The following MAPT variants were observed in gnomAD, a reference collection of about 807,000 sequenced individuals.
The protein encoded by MAPT is microtubule associated protein tau, also known as microtubule-associated protein tau.
Under a neutral mutation model 67.9 loss-of-function variants are expected in MAPT, and 34 were observed. That is an observed-to-expected ratio of 0.50 (90% confidence interval 0.38 to 0.67). MAPT has a LOEUF of 0.67. Ranked by LOEUF, MAPT falls within the 30% of genes least tolerant of loss-of-function variation. The probability of loss-of-function intolerance (pLI) is 0.00; values close to 1 mark genes in which losing one functional copy is unlikely to be tolerated. For synonymous variants in MAPT, 456 were observed against 464.5 expected (o/e 0.98, Z 0.23); for missense variants, 881 against 1,115.2 (o/e 0.79, Z 2.99).
chr17:45,993,784 C>T (rs2074256870), intron 8 of MAPT: 2 of 753,696 alleles, frequency 2.7e-6, no homozygotes, highest in Admixed American at 2.3e-5. Context: ...GTGGAGAGAC[C>T]CTCCCCCTTG....
intron 1 of MAPT, among the ~76,000 whole-genome samples, chr17:45,961,072 T>C (rs1467064280): frequency 6.6e-6 from 1 of 152,000 alleles, no homozygotes; most frequent in Non-Finnish European, 1.5e-5. Context: ...AGCTGCAGGT[T>C]GAATGGGGCA....
Position 45,894,657 on chromosome 17 carries a change from T to C in MAPT, c.-47T>C. ...GCCACCTTCTCCTCCTCCGCTGTCC[T>C]CTCCCGTCCTCGCCTCTGTCGACTA... is the stretch of plus-strand genomic sequence containing the variant. On this transcript the variant is annotated 5_prime_UTR_variant, in exon 1 of 13. Transcript: ENST00000262410. The C allele has an allele frequency of 6.7e-6, 1 of 148,750 alleles. No individual in the cohort carries two copies. Among genetic ancestry groups the C allele is most frequent in the Non-Finnish European group, 1.5e-5 (1 of 65,580 alleles). 9.2% of individuals were successfully genotyped at this position (148,750 alleles called of 1,614,324 possible). A position where few individuals can be genotyped will look rare whatever the true frequency, so the allele number is the denominator to read the frequency against.
intron 1 of MAPT, among the ~76,000 whole-genome samples, chr17:45,901,312 G>C (rs574680367): frequency 6.6e-6 from 1 of 152,204 alleles, no homozygotes; most frequent in African/African-American, 2.4e-5. Flanking sequence ...TTAGTACATC[G>C]GGTTCAGAGA....
Position 45,983,156 on chromosome 17 carries a change from A to G in MAPT, c.577A>G (p.Thr193Ala), listed in dbSNP as rs2145641943. 2 of 1,602,686 alleles carry G rather than the reference A, an allele frequency of 1.2e-6. No individual in the cohort carries two copies. Among genetic ancestry groups the G allele is most frequent in the African/African-American group, 1.3e-5 (1 of 74,874 alleles). ...EKGPAFPKPA[T>A]TAYLHTEPES... ...GGGTCCGGCCTTTCCGAAGCCCGCC[A>G]CCACTGCGTATCTCCACACAGAGCC... The change falls in exon 5 of 13, where the codon ACC (threonine) becomes GCC (alanine). Residue 193 changes from threonine (T) to alanine (A), a missense_variant. Physicochemically the swap from Thr to Ala is moderately conservative, Grantham distance 58. Around this residue, in one of 6 missense-constraint regions of MAPT, gnomAD observed 687 missense variants for 766.1 expected, o/e 0.90. Transcript: ENST00000262410.
intron 9 of MAPT, among the ~76,000 whole-genome samples, chr17:46,008,646 T>C (rs2075613895): frequency 6.6e-6 from 1 of 152,176 alleles, no homozygotes; most frequent in Non-Finnish European, 1.5e-5. Context: ...GAGTTAGATA[T>C]TGATTCCTAT....
At chr17:45,958,580 G>A (rs2070002750) in intron 1 of MAPT, among the ~76,000 whole-genome samples, 1 of 152,162 alleles carries the variant, frequency 6.6e-6, no homozygotes, top group African/African-American at 2.4e-5. Context: ...TATTAGCCGG[G>A]TGTGATGGCA....
chr17:45,936,457 A>G (rs1598035585), intron 1 of MAPT, among the ~76,000 whole-genome samples: 1 of 152,378 alleles, frequency 6.6e-6, no homozygotes, highest in East Asian at 1.9e-4. Context: ...CTCCAAGCAC[A>G]GCATCAATAA....
chr17:45,949,950 G>A (rs62062796), intron 1 of MAPT, among the ~76,000 whole-genome samples: 21,819 of 152,198 alleles, frequency 0.14, 2,137 homozygotes, highest in Non-Finnish European at 0.22. Flanking sequence ...GAATCCCCAG[G>A]GAGGTTCTCC....
intron 4 of MAPT, chr17:45,979,079 A>C (rs1180037887): frequency 6.6e-6 from 1 of 152,094 alleles, no homozygotes; most frequent in Non-Finnish European, 1.5e-5. Context: ...ATCCAGGAGC[A>C]AGGCCTTAAC....
Position 45,991,531 on chromosome 17 carries a change from C to G in MAPT, c.1677C>G (p.Asn559Lys). Residue 559 changes from asparagine to lysine, a missense_variant, in exon 8 of 13, where the codon AAC (asparagine) becomes AAG (lysine). Asn to Lys is a moderately conservative substitution (Grantham distance 94, BLOSUM62 0). Transcript: ENST00000262410. ...CTCCAGGCCAGAAGGGCCAGGCCAA[C>G]GCCACCAGGATTCCAGCAAAAACCC... ...AAPPGQKGQA[N>K]ATRIPAKTPP... 1 of 1,614,230 alleles carries G rather than the reference C, an allele frequency of 6.2e-7. No homozygotes were observed. Among genetic ancestry groups the G allele is most frequent in the Non-Finnish European group, 8.5e-7 (1 of 1,180,044 alleles).
At position 45,956,866 on chromosome 17, in the gene MAPT, C is replaced by T. The variant is rs191025247; in HGVS notation, c.-17-5455C>T. 6.8e-3 allele frequency among the ~76,000 whole-genome samples: 1,021 copies of T among 151,102 alleles called. 10 individuals are homozygous for T. Among genetic ancestry groups the T allele is most frequent in the African/African-American group, 0.023 (951 of 41,156 alleles). On this transcript the variant is annotated intron_variant, in intron 1 of 12. Coordinates refer to ENST00000262410, the MANE Select transcript of MAPT (RefSeq NM_001377265.1). ...GCTGTGTTTGGTTTTTTTGTCCTTG[C>T]GATAGTTTGCTGAGAATGATGGTTT...
In MAPT at chr17:45,983,920, T is replaced by G; in HGVS notation, c.1341T>G (p.Pro447=). 2 of 1,569,336 alleles carry G rather than the reference T, an allele frequency of 1.3e-6. No individual in the cohort carries two copies. Among genetic ancestry groups the G allele is most frequent in the Non-Finnish European group, 1.7e-6 (2 of 1,162,148 alleles). Residue 447 remains proline, a synonymous_variant, in exon 5 of 13, where the codon CCT becomes CCG. Transcript: ENST00000262410. ...APRGKPVSRV[P]QLKARMVSKS... ...GGGGGAAGCCCGTCAGCCGGGTCCCTCAACTCAAAGGTCTGTGTCTTGAGC... is the reference window on the plus strand; with the variant it reads ...GGGGGAAGCCCGTCAGCCGGGTCCCGCAACTCAAAGGTCTGTGTCTTGAGC...
chr17:45,903,879 TTATATATTTATATATTA>T (rs2063839981), intron 1 of MAPT, among the ~76,000 whole-genome samples: 4 of 28,158 alleles, frequency 1.4e-4, no homozygotes, highest in African/African-American at 3.7e-4. Context: ...TATTATATAT[TTATATATTTATATATTA>T]TATATATTTA....
chr17:45,975,165 A>G (rs942078494), intron 3 of MAPT: 6 of 152,376 alleles, frequency 3.9e-5, no homozygotes, highest in African/African-American at 1.4e-4. Context: ...CATTTCCTTC[A>G]TGTCTTCTTC....
At chr17:45,956,591 TATATATA>T (rs1568231073) in intron 1 of MAPT, among the ~76,000 whole-genome samples, 3 of 25,218 alleles carry the variant, frequency 1.2e-4, no homozygotes, top group African/African-American at 3.7e-4. Context: ...TATATATATA[TATATATA>T]TATTTTTTAT....
chr17:46,022,254 C>T (rs1185162575), intron 12 of MAPT, among the ~76,000 whole-genome samples: 1 of 151,416 alleles, frequency 6.6e-6, no homozygotes, highest in South Asian at 2.1e-4. Flanking sequence ...ACTTGGGAGG[C>T]CGAGGCAGGA....
Position 45,983,258 on chromosome 17 carries a change from G to A in MAPT, c.679G>A (p.Gly227Ser), listed in dbSNP as rs1050210428. ...AGGTCTGAGCCACCAGCTCATGTCC[G>A]GCATGCCTGGGGCTCCCCTCCTGCC... Reference protein sequence around the residue: ...PPGLSHQLMSGMPGAPLLPEG... With the variant: ...PPGLSHQLMSSMPGAPLLPEG... Residue 227 changes from glycine (G) to serine (S), a missense_variant, in exon 5 of 13, where the codon GGC becomes AGC. This residue lies in a region of MAPT where 687 missense variants were observed against 766.1 expected (regional missense o/e 0.90). Transcript: ENST00000262410. The A allele has an allele frequency of 3.8e-6, 6 of 1,598,962 alleles. No homozygotes were observed. The highest frequency in any genetic ancestry group is 1.7e-4 in the Middle Eastern group (1 of 6,046).
rs2063361788 is a variant in MAPT, at chr17:45,897,833, T to C, written c.-18+3147T>C. 6.6e-6 allele frequency: 1 copy of C among 152,328 alleles called. No individual in the cohort carries two copies. Among genetic ancestry groups the C allele is most frequent in the African/African-American group, 2.4e-5 (1 of 41,428 alleles). The allele number at this position is 152,328 out of a possible 1,614,324, so 9.4% of individuals were successfully genotyped here. A position where few individuals can be genotyped will look rare whatever the true frequency, so the allele number is the denominator to read the frequency against. The stretch of plus-strand genomic sequence containing the variant: ...CAGGCTCAGCAGGACCAATTTGAGT[T>C]CTATCTGATCCCCCTCGGCCCCTTA... On this transcript the variant is annotated intron_variant, in intron 1 of 12. Transcript: ENST00000262410. This position sits in a 1 kb window ranked among gnomAD's most constrained non-coding sequence, Gnocchi z 5.0.
chr17:45,944,476 G>A (rs962928240), intron 1 of MAPT, among the ~76,000 whole-genome samples: 4 of 152,218 alleles, frequency 2.6e-5, no homozygotes, highest in Admixed American at 6.5e-5. Context: ...CTGTGTACCC[G>A]TGGGGATAGA....
Sources: gnomAD v4.1 joint callset for allele counts (sites outside exome capture counted in the v4.1 genomes callset) on GRCh38, gnomAD v4.1.1 for gene constraint, gnomAD v4.1.1 regional missense constraint, Gnocchi (gnomAD v3.1) non-coding constraint, MANE v1.5 for transcripts, NCBI Gene and HGNC (gene_info 2026-07-23, HGNC 2026-07-21) for gene names.